ROBO2: variants seen among roughly 807,000 people sequenced by gnomAD.
The protein encoded by ROBO2 is roundabout guidance receptor 2.
Under a neutral mutation model 160.8 loss-of-function variants are expected in ROBO2, and 53 were observed. The ratio of observed to expected loss-of-function variants is 0.33; its 90% confidence interval spans 0.26 to 0.41. The LOEUF (loss-of-function observed/expected upper bound fraction) is 0.41, where lower values mean the gene tolerates loss of function less well. ROBO2 is among the 10% of genes least tolerant of loss of function. The pLI, the probability that ROBO2 is intolerant of heterozygous loss-of-function variation, is 1.00. For synonymous variants in ROBO2, 664 were observed against 611.7 expected (o/e 1.09, Z -1.26); for missense variants, 1,577 against 1,722.4 (o/e 0.92, Z 1.49).
At chr3:77,244,877 C>A (rs377429799) in intron 2 of ROBO2, among the ~76,000 whole-genome samples, 1,043 of 108,824 alleles carry the variant, frequency 9.6e-3, no homozygotes, top group South Asian at 0.011. Context: ...AACTTAGTCT[C>A]AAAAAAAAAA....
chr3:76,952,935 T>C (rs1021890416), intron 2 of ROBO2, among the ~76,000 whole-genome samples: 2 of 152,220 alleles, frequency 1.3e-5, no homozygotes, highest in African/African-American at 4.8e-5. Context: ...CATTTTTATG[T>C]AATCAAACAT....
chr3:77,489,965 A>G (rs2085863898), intron 4 of ROBO2, among the ~76,000 whole-genome samples: 2 of 152,020 alleles, frequency 1.3e-5, no homozygotes, highest in South Asian at 2.1e-4. Flanking sequence ...GCATTGTTAT[A>G]TTTTGCAGAG....
chr3:77,076,693 C>T (rs899012747), intron 1 of ROBO2, among the ~76,000 whole-genome samples: 1 of 152,136 alleles, frequency 6.6e-6, no homozygotes, highest in African/African-American at 2.4e-5. Context: ...TAATGTAGCA[C>T]TTTGCATTAC....
At chr3:75,937,113 C>A (rs1448902937) in intron 1 of ROBO2, among the ~76,000 whole-genome samples, 2 of 152,056 alleles carry the variant, frequency 1.3e-5, no homozygotes, top group Non-Finnish European at 2.9e-5. Flanking sequence ...ATGTTAAATT[C>A]ATCAATTTGC....
At chr3:77,601,540 A>AT (rs201230399) in intron 19 of ROBO2, among the ~76,000 whole-genome samples, 63 of 152,256 alleles carry the variant, frequency 4.1e-4, no homozygotes, top group African/African-American at 1.4e-3. Context: ...TGAAACTGTA[A>AT]TTCTCTAGTT....
chr3:76,592,957 C>T (rs1179842243), intron 2 of ROBO2, among the ~76,000 whole-genome samples: 1 of 152,036 alleles, frequency 6.6e-6, no homozygotes, highest in African/African-American at 2.4e-5. Flanking sequence ...GTCATTATGC[C>T]TAGCACTGTA....
At chr3:76,690,730 C>G (rs187814156) in intron 2 of ROBO2, among the ~76,000 whole-genome samples, 2 of 152,002 alleles carry the variant, frequency 1.3e-5, no homozygotes, top group Admixed American at 6.6e-5. Flanking sequence ...GCTATTGTAT[C>G]CCTAGTACCT....
intron 2 of ROBO2, among the ~76,000 whole-genome samples, chr3:76,615,556 T>G (rs2088514808): frequency 6.6e-6 from 1 of 152,242 alleles, no homozygotes; most frequent in South Asian, 2.1e-4. Context: ...CAAAATAAGA[T>G]AATTGCCCCA....
intron 2 of ROBO2, among the ~76,000 whole-genome samples, chr3:76,788,205 TA>T (rs1245544665): frequency 3.3e-5 from 5 of 151,342 alleles, no homozygotes; most frequent in African/African-American, 1.2e-4. Flanking sequence ...AATATAATAA[TA>T]AAAAATAGAC....
intron 5 of ROBO2, among the ~76,000 whole-genome samples, chr3:77,507,203 A>T (rs1176619291): frequency 6.6e-6 from 1 of 152,190 alleles, no homozygotes; most frequent in East Asian, 1.9e-4. Context: ...TTCATGAATT[A>T]TTCCATAAAC....
At chr3:77,571,003 G>A (rs1488887125) in intron 13 of ROBO2, among the ~76,000 whole-genome samples, 1 of 151,962 alleles carries the variant, frequency 6.6e-6, no homozygotes, top group East Asian at 1.9e-4. Flanking sequence ...GGGCAAAAAT[G>A]ATAAGAAACC....
chr3:76,264,518 A>T (rs1204896294), intron 2 of ROBO2, among the ~76,000 whole-genome samples: 1 of 152,144 alleles, frequency 6.6e-6, no homozygotes, highest in Non-Finnish European at 1.5e-5. Flanking sequence ...ATGATATATA[A>T]GGTTCCTTTC....
chr3:77,541,425 G>T (rs1227259508), intron 6 of ROBO2, among the ~76,000 whole-genome samples: 3 of 152,212 alleles, frequency 2.0e-5, no homozygotes, highest in Non-Finnish European at 2.9e-5. Flanking sequence ...TTTGATTGAA[G>T]CCAGCTTGGG....
chr3:77,052,066 G>T (rs1019076794), intron 1 of ROBO2, among the ~76,000 whole-genome samples: 4 of 152,122 alleles, frequency 2.6e-5, no homozygotes, highest in South Asian at 2.1e-4. Flanking sequence ...TTCTCTTTGA[G>T]CAGATGACAT....
intron 1 of ROBO2, among the ~76,000 whole-genome samples, chr3:77,070,997 A>G (rs1336496328): frequency 6.6e-6 from 1 of 152,118 alleles, no homozygotes; most frequent in Non-Finnish European, 1.5e-5. Flanking sequence ...GGGAAAAGTC[A>G]TAAGTGGCTT....
intron 2 of ROBO2, among the ~76,000 whole-genome samples, chr3:76,070,110 G>A (rs541149503): frequency 1.9e-4 from 29 of 152,114 alleles, no homozygotes; most frequent in Admixed American, 5.2e-4. Context: ...GTGTGTTTAA[G>A]CAATATGAAA....
intron 2 of ROBO2, among the ~76,000 whole-genome samples, chr3:76,082,334 T>C (rs1576783330): frequency 6.6e-6 from 1 of 152,220 alleles, no homozygotes; most frequent in Non-Finnish European, 1.5e-5. Context: ...TTAGATTTTT[T>C]TTTAAACTAA....
chr3:77,454,728 A>T (rs1308028659), intron 2 of ROBO2, among the ~76,000 whole-genome samples: 2 of 152,122 alleles, frequency 1.3e-5, no homozygotes, highest in African/African-American at 4.8e-5. Context: ...TAGGATGATG[A>T]TTATTTTTCA....
At chr3:76,956,795 C>G (rs951329875) in intron 2 of ROBO2, among the ~76,000 whole-genome samples, 2 of 152,018 alleles carry the variant, frequency 1.3e-5, no homozygotes, top group African/African-American at 4.8e-5. Context: ...GGCCCAACCT[C>G]AGAACCACTG....
Sources: gnomAD v4.1 joint callset for allele counts (sites outside exome capture counted in the v4.1 genomes callset) on GRCh38, gnomAD v4.1.1 for gene constraint, MANE v1.5 for transcripts, NCBI Gene and HGNC (gene_info 2026-07-23, HGNC 2026-07-21) for gene names.